Variants in DYM observed in about 807,000 individuals in gnomAD.
DYM encodes the protein dyggve-Melchior-Clausen syndrome protein.
In DYM, 78 loss-of-function variants were observed where a neutral mutation model predicts 93.1. The observed-to-expected ratio is 0.84, with a 90% CI of 0.70 to 1.01. DYM has a LOEUF of 1.01. Ranked by LOEUF, DYM falls within the 50% of genes least tolerant of loss-of-function variation. The probability of loss-of-function intolerance (pLI) is 0.00; values close to 1 mark genes in which losing one functional copy is unlikely to be tolerated. For missense variants in DYM, 789 were observed against 845.0 expected (o/e 0.93, Z 0.82); for synonymous variants, 321 against 319.7 (o/e 1.00, Z -0.04).
At position 49,292,592 on chromosome 18, in the gene DYM, GA is replaced by G. The variant is rs72415237; in HGVS notation, c.764-5977del. Among the ~76,000 whole-genome samples the G allele has an allele frequency of 3.3e-3, 260 of 78,686 alleles. 3 individuals carry two copies. The highest frequency in any genetic ancestry group is 8.4e-3 in the African/African-American group (199 of 23,688). 51.6% of individuals were successfully genotyped at this position (78,686 alleles called of 152,430 possible). A position where few individuals can be genotyped will look rare whatever the true frequency, so the allele number is the denominator to read the frequency against. ...TTAGTGGAATTGCATTTTCCTGTTG[GA>G]AAAAAAAAAAAAAAAAAAAAAAAAA... On this transcript the variant is annotated intron_variant, in intron 8 of 17. Coordinates refer to ENST00000675505, the MANE Select transcript of DYM (RefSeq NM_001353214.3).
chr18:49,118,768 C>T lies in DYM; in HGVS notation c.1887G>A (p.Gln629=), dbSNP rs2082131075. The change falls in exon 16 of 18, where the codon CAG becomes CAA. Residue 629 remains glutamine, a synonymous_variant. Coordinates refer to ENST00000675505, the MANE Select transcript of DYM (RefSeq NM_001353214.3). ...CCAGATCAATATTTTGCATTATATC[C>T]TGAAATGAAGGATGAGTTCGAAATT... ...FEQFRTHPSF[Q]DIMQNIDLVI... The T allele has an allele frequency of 6.2e-7, 1 of 1,613,834 alleles. No homozygotes were observed. The highest frequency in any genetic ancestry group is 1.1e-5 in the South Asian group (1 of 91,064).
At chr18:49,367,713 C>T (rs190348458) in intron 5 of DYM, among the ~76,000 whole-genome samples, 2 of 152,186 alleles carry the variant, frequency 1.3e-5, no homozygotes, top group Admixed American at 6.5e-5. Context: ...GTTTTCTTTG[C>T]GTTCAGAAGG....
intron 15 of DYM, among the ~76,000 whole-genome samples, chr18:49,128,331 C>G (rs1599949337): frequency 6.6e-6 from 1 of 152,138 alleles, no homozygotes; most frequent in East Asian, 1.9e-4. Context: ...TTTAAAAGTT[C>G]AATGTTTTAC....
chr18:49,214,438 CCT>C (rs1034075925), intron 13 of DYM, among the ~76,000 whole-genome samples: 6 of 152,080 alleles, frequency 3.9e-5, no homozygotes, highest in African/African-American at 1.2e-4. Context: ...AAAACCATCC[CCT>C]GTTCTGCCCC....
intron 14 of DYM, among the ~76,000 whole-genome samples, chr18:49,182,767 C>T (rs117374190): frequency 0.026 from 4,025 of 152,156 alleles, 104 homozygotes; most frequent in Non-Finnish European, 0.038. Context: ...GAACAGTGGT[C>T]TGGGAACTCT....
chr18:49,435,710 A>T (rs1036508332), intron 1 of DYM, among the ~76,000 whole-genome samples: 2 of 152,124 alleles, frequency 1.3e-5, no homozygotes, highest in African/African-American at 4.8e-5. Flanking sequence ...AATCGCTTGA[A>T]CCCTGGAGGT....
chr18:49,445,319 G>C (rs974289043), intron 1 of DYM, among the ~76,000 whole-genome samples: 6 of 152,152 alleles, frequency 3.9e-5, no homozygotes, highest in Non-Finnish European at 7.4e-5. Flanking sequence ...AGATTATAGA[G>C]CTAGAAAGTG....
chr18:49,140,622 T>C (rs1275084051), intron 15 of DYM, among the ~76,000 whole-genome samples: 1 of 152,194 alleles, frequency 6.6e-6, no homozygotes, highest in East Asian at 1.9e-4. Flanking sequence ...TATTAATTAA[T>C]GTAGTGATAT....
intron 13 of DYM, among the ~76,000 whole-genome samples, chr18:49,226,420 A>G (rs2093534770): frequency 6.6e-6 from 1 of 152,178 alleles, no homozygotes; most frequent in Non-Finnish European, 1.5e-5. Flanking sequence ...GCAAATGCCC[A>G]ATATGGCCAT....
chr18:49,207,293 T>C (rs1460069593), intron 14 of DYM, among the ~76,000 whole-genome samples: 2 of 152,174 alleles, frequency 1.3e-5, no homozygotes, highest in South Asian at 2.1e-4. Flanking sequence ...CAAGATATAG[T>C]GTTTACCCCC....
At chr18:49,443,169 G>A (rs113944184) in intron 1 of DYM, among the ~76,000 whole-genome samples, 1,695 of 151,928 alleles carry the variant, frequency 0.011, 31 homozygotes, top group African/African-American at 0.039. Context: ...TTTTTAAATC[G>A]TTGAAAAAAA....
chr18:49,447,317 C>T (rs1302104256), intron 1 of DYM: 4 of 152,212 alleles, frequency 2.6e-5, no homozygotes, highest in African/African-American at 9.7e-5. Context: ...TCTCCTCTCT[C>T]CTTTCTTCTG....
chr18:49,054,491 C>T (rs941504400), intron 17 of DYM, among the ~76,000 whole-genome samples: 1 of 152,202 alleles, frequency 6.6e-6, no homozygotes, highest in African/African-American at 2.4e-5. Context: ...GATCTGCCCG[C>T]CTTGGCCTCC....
chr18:49,106,675 G>C (rs2080849644), intron 16 of DYM, among the ~76,000 whole-genome samples: 1 of 152,112 alleles, frequency 6.6e-6, no homozygotes, highest in South Asian at 2.1e-4. Context: ...AGCTTAGTTT[G>C]GCTGGATATG....
At chr18:49,086,155 G>A (rs2078504707) in intron 17 of DYM, among the ~76,000 whole-genome samples, 1 of 152,136 alleles carries the variant, frequency 6.6e-6, no homozygotes. Flanking sequence ...GCTTATAAGA[G>A]AATACCTGAA....
At chr18:49,110,344 T>C (rs187090427) in intron 16 of DYM, among the ~76,000 whole-genome samples, 16 of 152,370 alleles carry the variant, frequency 1.1e-4, no homozygotes, top group African/African-American at 3.4e-4. Flanking sequence ...TAGATCCAAG[T>C]TTCTATCAGA....
At chr18:49,056,518 T>C (rs2075495958) in intron 17 of DYM, among the ~76,000 whole-genome samples, 1 of 152,190 alleles carries the variant, frequency 6.6e-6, no homozygotes, top group Non-Finnish European at 1.5e-5. Context: ...TCTTTTTCAT[T>C]CATGATTCCT....
intron 15 of DYM, among the ~76,000 whole-genome samples, chr18:49,140,028 G>A (rs1416920153): frequency 6.6e-6 from 1 of 152,100 alleles, no homozygotes; most frequent in Admixed American, 6.5e-5. Context: ...TACGCCCACA[G>A]GCTTTTGAAC....
chr18:49,192,599 TCTGGGCTCTCTACCCTG>T (rs1281387555), intron 14 of DYM, among the ~76,000 whole-genome samples: 1 of 152,226 alleles, frequency 6.6e-6, no homozygotes, highest in Non-Finnish European at 1.5e-5. Flanking sequence ...TGGGTTCTCT[TCTGGGCTCTCTACCCTG>T]TTCCACTGGT....
Sources: gnomAD v4.1 joint callset for allele counts (sites outside exome capture counted in the v4.1 genomes callset) on GRCh38, gnomAD v4.1.1 for gene constraint, MANE v1.5 for transcripts, NCBI Gene and HGNC (gene_info 2026-07-23, HGNC 2026-07-21) for gene names.